The following PTDSS1 variants were observed in gnomAD, a reference collection of about 807,000 sequenced individuals.
PTDSS1 encodes PSS-1.
A neutral mutation model predicts 70.5 loss-of-function variants in PTDSS1; 45 were observed. The ratio of observed to expected loss-of-function variants is 0.64; its 90% confidence interval spans 0.50 to 0.82. The LOEUF is 0.82. Ranked by LOEUF, PTDSS1 falls within the 40% of genes least tolerant of loss-of-function variation. PTDSS1 has a pLI of 0.00. For synonymous variants in PTDSS1, 188 were observed against 203.8 expected (o/e 0.92, Z 0.66); for missense variants, 417 against 586.1 (o/e 0.71, Z 2.98).
rs761308973 is a variant in PTDSS1 at position 96,334,483 on chromosome 8, C to T, written c.*917C>T. 1 of 152,606 alleles carries T rather than the reference C, an allele frequency of 6.6e-6. No homozygotes were observed. The highest frequency in any genetic ancestry group is 1.5e-5 in the Non-Finnish European group (1 of 68,042). The allele number at this position is 152,606 out of a possible 1,614,324, so 9.5% of individuals were successfully genotyped here. On this transcript the variant is annotated 3_prime_UTR_variant, in exon 13 of 13. Transcript: ENST00000517309. ...TCTGTGCCATGCTCTAGAACCTTGA[C>T]CTTGATAGTTCACCACCTCTGATGG...
chr8:96,293,175 CTTA>C (rs1373513309), intron 4 of PTDSS1, among the ~76,000 whole-genome samples: 2 of 152,212 alleles, frequency 1.3e-5, no homozygotes, highest in African/African-American at 4.8e-5. Context: ...TACCTAGGTG[CTTA>C]TTATAGCATC....
chr8:96,277,445 A>G (rs1290025270), intron 2 of PTDSS1, among the ~76,000 whole-genome samples: 2 of 152,128 alleles, frequency 1.3e-5, no homozygotes, highest in African/African-American at 4.8e-5. Flanking sequence ...CTGTGAGTGG[A>G]GTGTACATGC....
intron 2 of PTDSS1, among the ~76,000 whole-genome samples, chr8:96,274,462 A>G (rs1271833715): frequency 6.6e-6 from 1 of 152,172 alleles, no homozygotes; most frequent in Non-Finnish European, 1.5e-5. Context: ...GCGGCGGCTC[A>G]TGCCTGTAAT....
chr8:96,309,369 C>T (rs937497537), intron 8 of PTDSS1, 188 bp from the exon 9 acceptor site: 1 of 498,738 alleles, frequency 2.0e-6, no homozygotes. Context: ...CAGCCTAACC[C>T]AAACGCTGAA....
At chr8:96,310,863 T>A (rs1811201389) in intron 9 of PTDSS1, among the ~76,000 whole-genome samples, 1 of 151,898 alleles carries the variant, frequency 6.6e-6, no homozygotes, top group Non-Finnish European at 1.5e-5. Context: ...CCTCCCAGGT[T>A]CAAGCGATTC....
At chr8:96,308,286 C>T (rs1388138965) in intron 8 of PTDSS1, among the ~76,000 whole-genome samples, 1 of 152,118 alleles carries the variant, frequency 6.6e-6, no homozygotes, top group Non-Finnish European at 1.5e-5. Context: ...CTAAAATGAT[C>T]AAGACGTGTT....
chr8:96,291,492 C>T (rs1025486585), intron 4 of PTDSS1, among the ~76,000 whole-genome samples: 7 of 144,502 alleles, frequency 4.8e-5, no homozygotes, highest in Non-Finnish European at 7.5e-5. Context: ...GAACAGTGAA[C>T]AGTACGCAGT....
At chr8:96,285,268 A>G (rs1057423684) in intron 3 of PTDSS1, among the ~76,000 whole-genome samples, 1 of 152,184 alleles carries the variant, frequency 6.6e-6, no homozygotes, top group Non-Finnish European at 1.5e-5. Context: ...GGCAAGAGGA[A>G]AAGCTGCCAA....
chr8:96,279,334 A>G (rs888540283), intron 2 of PTDSS1, among the ~76,000 whole-genome samples: 1 of 149,734 alleles, frequency 6.7e-6, no homozygotes, highest in Non-Finnish European at 1.5e-5. Context: ...AGTATTTCTT[A>G]TTTTTCCTGA....
At chr8:96,325,607 A>G (rs920742972) in intron 10 of PTDSS1, among the ~76,000 whole-genome samples, 8 of 151,936 alleles carry the variant, frequency 5.3e-5, no homozygotes, top group Admixed American at 5.2e-4. Flanking sequence ...CTCCATTCCC[A>G]CTGCCTCTGC....
chr8:96,333,350 G>C, intron 12 of PTDSS1, 107 bp from the exon 13 acceptor site: 2 of 904,216 alleles, frequency 2.2e-6, no homozygotes, highest in Non-Finnish European at 3.6e-6. Flanking sequence ...GGGAGTGCAC[G>C]TATCAGGGAA....
chr8:96,323,216 G>A (rs762613582), intron 10 of PTDSS1, among the ~76,000 whole-genome samples: 1 of 152,186 alleles, frequency 6.6e-6, no homozygotes, highest in African/African-American at 2.4e-5. Context: ...TCTTCCAGGC[G>A]GGAGTTGCAC....
Position 96,277,416 on chromosome 8 carries a change from C to T in PTDSS1, c.271+4026C>T, listed in dbSNP as rs529669095. On this transcript the variant is annotated intron_variant, in intron 2 of 12. Transcript: ENST00000517309. The stretch of plus-strand genomic sequence containing the variant: ...TCAGGCCACAGGCCTCCCCAGGAGC[C>T]CATGCTGAACGGCTGTCTCTGTGAG... Among the ~76,000 whole-genome samples, 11 of 152,338 alleles carry T rather than the reference C, an allele frequency of 7.2e-5. No individual in the cohort carries two copies. The South Asian group carries it at 2.3e-3, about 32-fold the overall frequency.
chr8:96,305,775 C>T (rs1261321835), intron 7 of PTDSS1, among the ~76,000 whole-genome samples: 2 of 152,086 alleles, frequency 1.3e-5, no homozygotes, highest in Non-Finnish European at 2.9e-5. Context: ...GCAACCTCTG[C>T]CTTCCAGGTT....
chr8:96,304,972 A>G (rs1811102577), intron 7 of PTDSS1, among the ~76,000 whole-genome samples: 2 of 152,250 alleles, frequency 1.3e-5, no homozygotes, highest in South Asian at 4.1e-4. Flanking sequence ...TTGTTCACAC[A>G]GAGACAATGC....
chr8:96,307,213 T>C (rs551864431), intron 8 of PTDSS1, among the ~76,000 whole-genome samples: 1 of 152,270 alleles, frequency 6.6e-6, no homozygotes, highest in Admixed American at 6.5e-5. Flanking sequence ...TTATAACTAA[T>C]ACGGAATACT....
chr8:96,307,051 G>A (rs199766909), intron 8 of PTDSS1, among the ~76,000 whole-genome samples: 2 of 152,068 alleles, frequency 1.3e-5, no homozygotes, highest in African/African-American at 4.8e-5. Flanking sequence ...GATAAGCTTG[G>A]GTGTTCCCGC....
chr8:96,314,589 C>T (rs1811258483), intron 9 of PTDSS1, among the ~76,000 whole-genome samples: 1 of 152,092 alleles, frequency 6.6e-6, no homozygotes, highest in African/African-American at 2.4e-5. Flanking sequence ...ACTGACATCT[C>T]AGAAGCTCTG....
intron 1 of PTDSS1, among the ~76,000 whole-genome samples, chr8:96,264,552 A>G (rs1350553071): frequency 6.6e-6 from 1 of 152,190 alleles, no homozygotes; most frequent in Admixed American, 6.5e-5. Flanking sequence ...AAATAATGAA[A>G]TTAGTGAGGG....
Sources: gnomAD v4.1 joint callset for allele counts (sites outside exome capture counted in the v4.1 genomes callset) on GRCh38, gnomAD v4.1.1 for gene constraint, MANE v1.5 for transcripts, NCBI Gene and HGNC (gene_info 2026-07-23, HGNC 2026-07-21) for gene names.